Variants in ITPR2 observed in about 807,000 individuals in gnomAD.
ITPR2 encodes the protein inositol 1,4,5-trisphosphate receptor type 2, also known as inositol 1,4,5-trisphosphate-gated calcium channel ITPR2.
Under a neutral mutation model 317.1 loss-of-function variants are expected in ITPR2, and 207 were observed. The ratio of observed to expected loss-of-function variants is 0.65; its 90% CI spans 0.58 to 0.73. The LOEUF (loss-of-function observed/expected upper bound fraction) is 0.73. Ranked by LOEUF, ITPR2 falls within the 30% of genes least tolerant of loss-of-function variation. ITPR2 has a pLI of 0.00. For missense variants in ITPR2, 2,613 were observed against 3,284.0 expected (o/e 0.80, Z 4.99); for synonymous variants, 1,156 against 1,149.1 (o/e 1.01, Z -0.12).
chr12:26,823,341 A>G (rs1161944720), intron 1 of ITPR2, among the ~76,000 whole-genome samples: 2 of 152,218 alleles, frequency 1.3e-5, no homozygotes, highest in African/African-American at 4.8e-5. Flanking sequence ...CTGACCTTGC[A>G]ACATTTGCAA....
At chr12:26,799,449 G>T (rs1205713575) in intron 1 of ITPR2, among the ~76,000 whole-genome samples, 1 of 152,182 alleles carries the variant, frequency 6.6e-6, no homozygotes, top group African/African-American at 2.4e-5. Context: ...AGCACTGCAA[G>T]AAGCCATCAT....
intron 55 of ITPR2, among the ~76,000 whole-genome samples, chr12:26,361,715 A>G (rs549021144): frequency 1.3e-5 from 2 of 152,352 alleles, no homozygotes; most frequent in African/African-American, 4.8e-5. Context: ...TTAACTAACA[A>G]TTTTCCAAAG....
chr12:26,440,792 T>C (rs1941470312), intron 46 of ITPR2, among the ~76,000 whole-genome samples: 2 of 152,154 alleles, frequency 1.3e-5, no homozygotes, highest in Admixed American at 6.6e-5. Flanking sequence ...AAAGAAATCA[T>C]GTCTAGATTA....
intron 37 of ITPR2, among the ~76,000 whole-genome samples, chr12:26,506,552 A>C (rs911322432): frequency 2.0e-5 from 3 of 151,286 alleles, no homozygotes; most frequent in African/African-American, 7.3e-5. Flanking sequence ...AAATTAGCAC[A>C]CAAAACTCAT....
At chr12:26,507,859 GTCTC>G (rs769576118) in intron 37 of ITPR2, among the ~76,000 whole-genome samples, 6,589 of 95,644 alleles carry the variant, frequency 0.069, 145 homozygotes, top group Middle Eastern at 0.15. Context: ...TTCTCTCTCT[GTCTC>G]TGTGTGTGTG....
chr12:26,713,121 G>A (rs1948678408), intron 8 of ITPR2, among the ~76,000 whole-genome samples: 1 of 152,198 alleles, frequency 6.6e-6, no homozygotes, highest in Non-Finnish European at 1.5e-5. Context: ...CCTACAAGGT[G>A]CGTGGGTAAG....
rs762858845 is a variant in ITPR2 at position 26,476,893 on chromosome 12, C to A, written c.6219+19G>T. On this transcript the variant is annotated intron_variant, in intron 44 of 56. Coordinates refer to ENST00000381340, the MANE Select transcript of ITPR2 (RefSeq NM_002223.4). ...TTTAGGCTACCCAATATTGACCAAG[C>A]TTTTAAAAGTTTTCTTACCAGTTCT... 6.4e-7 allele frequency: 1 copy of A among 1,565,668 alleles called. No homozygotes were observed.
chr12:26,708,317 C>T (rs1025761753), intron 9 of ITPR2, among the ~76,000 whole-genome samples: 2 of 152,124 alleles, frequency 1.3e-5, no homozygotes, highest in African/African-American at 4.8e-5. Flanking sequence ...TACAGCACTA[C>T]ACACAATAGC....
chr12:26,606,428 A>G (rs1048078163), intron 26 of ITPR2, among the ~76,000 whole-genome samples: 4 of 152,182 alleles, frequency 2.6e-5, no homozygotes, highest in Admixed American at 2.6e-4. Context: ...TATATACCAT[A>G]ACATAAAACA....
intron 13 of ITPR2, among the ~76,000 whole-genome samples, chr12:26,666,816 C>T (rs748446309): frequency 1.3e-5 from 2 of 152,162 alleles, no homozygotes; most frequent in Non-Finnish European, 2.9e-5. Flanking sequence ...GTCTTGAAAG[C>T]CTTCCTCTCT....
At chr12:26,425,596 A>G (rs1003943812) in intron 49 of ITPR2, among the ~76,000 whole-genome samples, 1 of 148,524 alleles carries the variant, frequency 6.7e-6, no homozygotes, top group Non-Finnish European at 1.5e-5. Flanking sequence ...TGAACCTGGG[A>G]GGTGGAGGTT....
intron 9 of ITPR2, among the ~76,000 whole-genome samples, chr12:26,703,756 T>A (rs1465893352): frequency 1.3e-5 from 2 of 152,216 alleles, no homozygotes; most frequent in African/African-American, 4.8e-5. Flanking sequence ...ACAGTCATAG[T>A]CCCTGTGATT....
Position 26,832,713 on chromosome 12 carries a change from G to A in ITPR2, c.69C>T (p.Val23=). 1 of 1,600,174 alleles carries A rather than the reference G, an allele frequency of 6.2e-7. No homozygotes were observed. The highest frequency in any genetic ancestry group is 8.5e-7 in the Non-Finnish European group (1 of 1,174,222). Residue 23 remains valine (V), a synonymous_variant, in exon 1 of 57, where the codon GTC becomes GTT. Coordinates refer to ENST00000381340, the MANE Select transcript of ITPR2 (RefSeq NM_002223.4). ...ACCCCAAGGTGCTGATGAAGCCGTTGACCGAGCCCTCCGCGTACAGGGACA... is the reference window on the plus strand; with the variant it reads ...ACCCCAAGGTGCTGATGAAGCCGTTAACCGAGCCCTCCGCGTACAGGGACA... ...DIVSLYAEGS[V]NGFISTLGLV...
rs562757725 is a variant in ITPR2, at chr12:26,550,740, T to C, written c.4965-385A>G. 9.5e-4 allele frequency among the ~76,000 whole-genome samples: 144 copies of C among 152,156 alleles called. 1 individual carries two copies. The highest frequency in any genetic ancestry group is 8.3e-3 in the South Asian group (40 of 4,830). On this transcript the variant is annotated intron_variant, in intron 36 of 56. Transcript: ENST00000381340. The stretch of plus-strand genomic sequence containing the variant: ...GTTATACTATATTATTTTTATATAC[T>C]GTATTACATTAAGCATACAGTAGCA...
chr12:26,811,470 G>A (rs1950744781), intron 1 of ITPR2, among the ~76,000 whole-genome samples: 1 of 151,752 alleles, frequency 6.6e-6, no homozygotes, highest in South Asian at 2.1e-4. Flanking sequence ...AATTGGTTGG[G>A]CGCGGTGGCT....
intron 10 of ITPR2, among the ~76,000 whole-genome samples, chr12:26,691,429 G>C (rs1478996397): frequency 1.3e-5 from 2 of 152,020 alleles, no homozygotes; most frequent in African/African-American, 2.4e-5. Context: ...ACTTAAACAG[G>C]TATTAAATTT....
chr12:26,589,857 C>T (rs1001835996), intron 32 of ITPR2, among the ~76,000 whole-genome samples: 43 of 18,196 alleles, frequency 2.4e-3, no homozygotes, highest in Non-Finnish European at 4.6e-3. Context: ...TATATATACA[C>T]ACACACACAC....
intron 45 of ITPR2, among the ~76,000 whole-genome samples, chr12:26,458,958 G>T (rs551917495): frequency 6.6e-6 from 1 of 152,194 alleles, no homozygotes; most frequent in Non-Finnish European, 1.5e-5. Context: ...GGCCTTCCCC[G>T]ATGAGAACTA....
intron 2 of ITPR2, among the ~76,000 whole-genome samples, chr12:26,734,832 T>C (rs1371193799): frequency 6.6e-6 from 1 of 152,184 alleles, no homozygotes; most frequent in Non-Finnish European, 1.5e-5. Context: ...AAAAAGATCA[T>C]GGAGTCTTAT....
Sources: allele counts gnomAD v4.1 joint callset (sites outside exome capture counted in the v4.1 genomes callset), GRCh38; gene constraint gnomAD v4.1.1; transcripts MANE v1.5; gene names NCBI Gene and HGNC (gene_info 2026-07-23, HGNC 2026-07-21).